DNAH10: variants seen among roughly 807,000 people sequenced by gnomAD.
DNAH10 encodes dynein axonemal heavy chain 10, also known as axonemal beta dynein heavy chain 10.
Under a neutral mutation model 506.6 loss-of-function variants are expected in DNAH10, and 348 were observed. That is an observed-to-expected ratio of 0.69 (90% confidence interval 0.63 to 0.75). The LOEUF (loss-of-function observed/expected upper bound fraction) is 0.75, where lower values mean the gene tolerates loss of function less well. Among genes scored for constraint, DNAH10 ranks in the 30% least tolerant of loss-of-function variants. The pLI is 0.00. For synonymous variants in DNAH10, 2,059 were observed against 2,198.6 expected (o/e 0.94, Z 1.78); for missense variants, 5,179 against 5,787.1 (o/e 0.89, Z 3.41).
At position 123,853,520 on chromosome 12, in the gene DNAH10, G is replaced by A. The variant is rs7315108; in HGVS notation, c.6438+168G>A. Among the ~76,000 whole-genome samples the A allele has an allele frequency of 0.07, 10,716 of 152,102 alleles. 377 individuals carry two copies. The highest frequency in any genetic ancestry group is 0.084 in the African/African-American group (3,503 of 41,470). ...ACTTTGGCCTCTTACCTGTTGTATCGTTTGCTTGTAATTACACTTAGTACC... is the reference window on the plus strand; with the variant it reads ...ACTTTGGCCTCTTACCTGTTGTATCATTTGCTTGTAATTACACTTAGTACC... On this transcript the variant is annotated intron_variant, in intron 36 of 78. Transcript: ENST00000673944. This position sits in a 1 kb window ranked among gnomAD's most constrained non-coding sequence, Gnocchi z 4.7.
At chr12:123,803,546 T>C in intron 16 of DNAH10, 115 bp from the exon 17 acceptor site, 2 of 1,056,876 alleles carry the variant, frequency 1.9e-6, no homozygotes, top group Non-Finnish European at 2.6e-6. Context: ...GGGGTTGGAA[T>C]GAGCAGGGTC....
At chr12:123,929,017 T>A (rs12099459) in intron 70 of DNAH10, 1 of 558,938 alleles carries the variant, frequency 1.8e-6, no homozygotes, top group Non-Finnish European at 3.1e-6. Flanking sequence ...GGGAAGACTT[T>A]ACTTTCATTT....
intron 13 of DNAH10, among the ~76,000 whole-genome samples, chr12:123,797,482 T>A (rs1005055163): frequency 5.3e-5 from 8 of 152,046 alleles, no homozygotes; most frequent in Non-Finnish European, 1.0e-4. Context: ...AGCCTTGACC[T>A]TCTGGGTTTA....
At position 123,934,693 on chromosome 12, in the gene DNAH10, A is replaced by G; in HGVS notation, c.13550A>G (p.Lys4517Arg). 1 of 1,613,876 alleles carries G rather than the reference A, an allele frequency of 6.2e-7. No individual in the cohort carries two copies. The highest frequency in any genetic ancestry group is 8.5e-7 in the Non-Finnish European group (1 of 1,179,850). Residue 4517 changes from lysine to arginine, a missense_variant, in exon 78 of 79, where the codon AAA becomes AGA. Around this residue, in one of 3 missense-constraint regions of DNAH10, gnomAD observed 4,844 missense variants for 5,430.5 expected, o/e 0.89. Transcript: ENST00000673944. ...GAAAAAGGATGTCTTATCAAGAGCA[A>G]ACCCAAGGTGCTGGTTGTGGACCTG... Reference protein sequence around the residue: ...DIEKGCLIKSKPKVLVVDLPI... With the variant: ...DIEKGCLIKSRPKVLVVDLPI...
chr12:123,833,930 A>G (rs1160574261), intron 27 of DNAH10, among the ~76,000 whole-genome samples: 2 of 152,122 alleles, frequency 1.3e-5, no homozygotes, highest in Non-Finnish European at 2.9e-5. Context: ...TTTGGGCAAT[A>G]CTTATCCAGA....
At position 123,903,096 on chromosome 12, in the gene DNAH10, G is replaced by C. The variant is rs766917235; in HGVS notation, c.9798G>C (p.Ser3266=). ...AKLELQKLDK[S]DVTEIRSFAK... is the part of the protein sequence containing the mutation. ...TGGAACTGCAGAAGCTGGACAAGTCGGACGTGACTGAGATTAGGTAATGCA... is the reference window on the plus strand; with the variant it reads ...TGGAACTGCAGAAGCTGGACAAGTCCGACGTGACTGAGATTAGGTAATGCA... The change falls in exon 57 of 79, where the codon TCG becomes TCC. Residue 3266 remains serine, a synonymous_variant. Coordinates refer to ENST00000673944, the MANE Select transcript of DNAH10 (RefSeq NM_001372106.1). This position sits in a 1 kb window ranked among gnomAD's most constrained non-coding sequence, Gnocchi z 4.6. 3 of 1,610,392 alleles carry C rather than the reference G, an allele frequency of 1.9e-6. No homozygotes were observed. The highest frequency in any genetic ancestry group is 2.5e-6 in the Non-Finnish European group (3 of 1,178,552).
chr12:123,774,946 C>G (rs1957385610), intron 5 of DNAH10, among the ~76,000 whole-genome samples: 2 of 152,082 alleles, frequency 1.3e-5, no homozygotes, highest in Admixed American at 6.5e-5. Context: ...TCTCCAGGAG[C>G]TTATGTAGGG....
In DNAH10 at chr12:123,881,856, T is replaced by C. The variant is rs1408895010; in HGVS notation, c.8823+43T>C. ...CCCAGAAATAGGTTTACGATGCCAG[T>C]TTCTGCAGTTGGTAGTTCGTGTACA... is the stretch of plus-strand genomic sequence containing the variant. On this transcript the variant is annotated intron_variant, in intron 51 of 78. Transcript: ENST00000673944. The C allele has an allele frequency of 4.9e-6, 7 of 1,430,846 alleles. No homozygotes were observed. The South Asian group carries it at 1.1e-4, about 22-fold the overall frequency. 88.6% of individuals were successfully genotyped at this position (1,430,846 alleles called of 1,614,324 possible).
chr12:123,931,306 G>A (rs1218235306), intron 73 of DNAH10, 35 bp from the exon 74 acceptor site: 3 of 1,610,254 alleles, frequency 1.9e-6, no homozygotes, highest in Non-Finnish European at 2.5e-6. Context: ...CAGGTGGCTG[G>A]ACAGTGCCAC....
At chr12:123,880,077 C>G (rs1035858073) in intron 50 of DNAH10, among the ~76,000 whole-genome samples, 3 of 152,128 alleles carry the variant, frequency 2.0e-5, no homozygotes, top group Non-Finnish European at 4.4e-5. Flanking sequence ...GTTTGGGAAC[C>G]ACTTGTTTGA....
At chr12:123,870,079 G>A (rs185953135) in intron 43 of DNAH10, among the ~76,000 whole-genome samples, 7 of 152,344 alleles carry the variant, frequency 4.6e-5, no homozygotes, top group Admixed American at 2.0e-4. Context: ...CAGTGAAAGG[G>A]AAGTGTTAGT....
intron 66 of DNAH10, 69 bp from the exon 67 acceptor site, chr12:123,924,209 G>A (rs751713883): frequency 2.0e-6 from 3 of 1,500,730 alleles, no homozygotes; most frequent in African/African-American, 1.4e-5. Flanking sequence ...AGTGGGAGAA[G>A]TCGAAGCAGA....
At chr12:123,874,810 C>T (rs964841423) in intron 46 of DNAH10, among the ~76,000 whole-genome samples, 2 of 152,172 alleles carry the variant, frequency 1.3e-5, no homozygotes, top group Admixed American at 6.5e-5. Flanking sequence ...GATGTGTGGA[C>T]AGGCATATCA....
chr12:123,831,455 C>T (rs1307960048), intron 26 of DNAH10, among the ~76,000 whole-genome samples: 3 of 152,172 alleles, frequency 2.0e-5, no homozygotes, highest in African/African-American at 7.2e-5. Flanking sequence ...ATTGTGCAAA[C>T]AAACCTAGCT....
At chr12:123,930,315 C>A in intron 72 of DNAH10, 87 bp from the exon 73 acceptor site, 1 of 1,328,300 alleles carries the variant, frequency 7.5e-7, no homozygotes, top group Non-Finnish European at 9.9e-7. Flanking sequence ...AGTCTCTTGA[C>A]CCTGGGTGAG....
Position 123,917,848 on chromosome 12 carries a change from C to G in DNAH10, c.11232+35C>G. 1 of 1,548,222 alleles carries G rather than the reference C, an allele frequency of 6.5e-7. No homozygotes were observed. The highest frequency in any genetic ancestry group is 8.7e-7 in the Non-Finnish European group (1 of 1,144,028). On this transcript the variant is annotated intron_variant, in intron 64 of 78. Transcript: ENST00000673944. This position sits in a 1 kb window ranked among gnomAD's most constrained non-coding sequence, Gnocchi z 5.6. ...ACAGTGGAAGAGGCCGTGAGTCAGG[C>G]GGGGCCTGCATGCGCCGTTGGAGCG...
intron 69 of DNAH10, chr12:123,927,448 T>C (rs1181741758): frequency 6.5e-6 from 1 of 154,150 alleles, no homozygotes; most frequent in Non-Finnish European, 1.4e-5. Context: ...ATGGCCCCAA[T>C]TGCATGGCCA....
intron 17 of DNAH10, among the ~76,000 whole-genome samples, chr12:123,804,603 G>A (rs1958593072): frequency 6.6e-6 from 1 of 151,958 alleles, no homozygotes; most frequent in African/African-American, 2.4e-5. Flanking sequence ...ACAATGAATT[G>A]AAGAAAAACA....
Position 123,804,875 on chromosome 12 carries a change from G to A in DNAH10, c.2822G>A (p.Ser941Asn). 2 of 1,613,108 alleles carry A rather than the reference G, an allele frequency of 1.2e-6. No homozygotes were observed. Among genetic ancestry groups the A allele is most frequent in the Non-Finnish European group, 1.7e-6 (2 of 1,179,968 alleles). ...GAACACATTGAGCGAGAAAGGGCCA[G>A]CGACGTGGACCACATGGTCCGGTGG... is the stretch of plus-strand genomic sequence containing the variant. Reference protein sequence around the residue: ...FFEHIERERASDVDHMVRWYL... With the variant: ...FFEHIERERANDVDHMVRWYL... The change falls in exon 18 of 79, where the codon AGC (serine) becomes AAC (asparagine). Residue 941 changes from serine to asparagine, a missense_variant. Transcript: ENST00000673944.
Sources: gnomAD v4.1 joint callset for allele counts (sites outside exome capture counted in the v4.1 genomes callset) on GRCh38, gnomAD v4.1.1 for gene constraint, gnomAD v4.1.1 regional missense constraint, Gnocchi (gnomAD v3.1) non-coding constraint, MANE v1.5 for transcripts, NCBI Gene and HGNC (gene_info 2026-07-23, HGNC 2026-07-21) for gene names.